The following CAV1 variants were observed in gnomAD, a reference collection of about 807,000 sequenced individuals.
CAV1 encodes caveolin 1, also known as caveolin-1.
A neutral mutation model predicts 16.5 loss-of-function variants in CAV1; 10 were observed. That is an observed-to-expected ratio of 0.61 (90% CI 0.37 to 1.03). The LOEUF (loss-of-function observed/expected upper bound fraction) is 1.03, where lower values mean the gene tolerates loss of function less well. CAV1 is among the 50% of genes least tolerant of loss of function. CAV1 has a pLI of 0.01. For synonymous variants in CAV1, 76 were observed against 85.1 expected, an observed-to-expected ratio of 0.89 and a Z score of 0.59; for missense variants, 212 against 232.8, an observed-to-expected ratio of 0.91 and a Z score of 0.58.
Position 116,534,382 on chromosome 7 carries a change from TATATATATATA to T in CAV1, c.195+7694_195+7704del, listed in dbSNP as rs1228665340. 7.1e-3 allele frequency among the ~76,000 whole-genome samples: 87 copies of T among 12,216 alleles called. 1 individual carries two copies. The highest frequency in any genetic ancestry group is 0.022 in the African/African-American group (79 of 3,514). The allele number at this position is 12,216 out of a possible 152,430, so 8.0% of individuals were successfully genotyped here. A position where few individuals can be genotyped will look rare whatever the true frequency, so the allele number is the denominator to read the frequency against. ...CCTCAGATATATATATATATATATA[TATATATATATA>T]TATTTTTTTTTTTTTTTTTTTTTTG... On this transcript the variant is annotated intron_variant, in intron 2 of 2. Coordinates refer to ENST00000341049, the MANE Select transcript of CAV1 (RefSeq NM_001753.5).
rs911068099 is a variant in CAV1 at position 116,537,568 on chromosome 7, G to A, written c.195+10879G>A. 5.3e-5 allele frequency among the ~76,000 whole-genome samples: 8 copies of A among 152,294 alleles called. No individual in the cohort carries two copies. The South Asian group carries it at 1.5e-3, about 28-fold the overall frequency. On this transcript the variant is annotated intron_variant, in intron 2 of 2. Transcript: ENST00000341049. Reference sequence around the variant, plus strand: ...GAGTCAGGGTTTGAACCCAGGTAGTGAAACTCCAAAGCCCGGATTCTTAAC... The same window carrying A: ...GAGTCAGGGTTTGAACCCAGGTAGTAAAACTCCAAAGCCCGGATTCTTAAC...
intron 2 of CAV1, among the ~76,000 whole-genome samples, chr7:116,539,771 A>G (rs944582597): frequency 6.6e-6 from 1 of 152,122 alleles, no homozygotes; most frequent in Non-Finnish European, 1.5e-5. Flanking sequence ...GGATAAGGCT[A>G]ATCTCCTAGG....
chr7:116,545,638 A>G (rs1794030148), intron 2 of CAV1, among the ~76,000 whole-genome samples: 1 of 152,246 alleles, frequency 6.6e-6, no homozygotes, highest in Non-Finnish European at 1.5e-5. Context: ...AGTAGGAAAC[A>G]ACCTCTACCG....
chr7:116,535,539 A>G (rs1793791667), intron 2 of CAV1, among the ~76,000 whole-genome samples: 1 of 152,242 alleles, frequency 6.6e-6, no homozygotes, highest in Admixed American at 6.5e-5. Flanking sequence ...CAGTTAGTCC[A>G]GGAAACATAA....
intron 1 of CAV1, chr7:116,526,308 G>A (rs1793557213): frequency 7.1e-7 from 1 of 1,402,566 alleles, no homozygotes; most frequent in Non-Finnish European, 9.3e-7. Context: ...ACAGAGGGGT[G>A]TGGTGTCCTC....
chr7:116,553,509 A>G (rs1794204476), intron 2 of CAV1, among the ~76,000 whole-genome samples: 1 of 152,084 alleles, frequency 6.6e-6, no homozygotes, highest in Non-Finnish European at 1.5e-5. Flanking sequence ...TCTGCATAAT[A>G]CTTCCCTCCA....
At chr7:116,533,348 T>TAAATAAAATA (rs763800018) in intron 2 of CAV1, among the ~76,000 whole-genome samples, 158 of 137,676 alleles carry the variant, frequency 1.1e-3, no homozygotes, top group Middle Eastern at 3.5e-3. Context: ...AAAAATAAAA[T>TAAATAAAATA]AAATAAAATA....
intron 2 of CAV1, among the ~76,000 whole-genome samples, chr7:116,529,470 G>A (rs1019283508): frequency 6.6e-6 from 1 of 152,192 alleles, no homozygotes; most frequent in Non-Finnish European, 1.5e-5. Context: ...TAGTGGCACA[G>A]ACATAGAACA....
At chr7:116,555,540 GAGAGAAAGAA>G (rs1299474612) in intron 2 of CAV1, among the ~76,000 whole-genome samples, 3 of 13,208 alleles carry the variant, frequency 2.3e-4, no homozygotes, top group Non-Finnish European at 3.1e-4. Flanking sequence ...GAGAGAGAGA[GAGAGAAAGAA>G]AGAAAGAAAG....
intron 2 of CAV1, among the ~76,000 whole-genome samples, chr7:116,537,226 C>G (rs1306713930): frequency 6.6e-6 from 1 of 151,974 alleles, no homozygotes; most frequent in African/African-American, 2.4e-5. Flanking sequence ...TTCTGTCTCA[C>G]AGTAATTTAA....
At chr7:116,534,814 G>C (rs1793774219) in intron 2 of CAV1, among the ~76,000 whole-genome samples, 1 of 152,124 alleles carries the variant, frequency 6.6e-6, no homozygotes, top group African/African-American at 2.4e-5. Flanking sequence ...AGAAATGACT[G>C]TACCCAAGGT....
intron 2 of CAV1, among the ~76,000 whole-genome samples, chr7:116,533,112 T>C (rs1392258336): frequency 1.3e-5 from 2 of 152,042 alleles, no homozygotes; most frequent in African/African-American, 4.8e-5. Context: ...GAGCTCAAGA[T>C]TGGTGGATCA....
At chr7:116,530,014 AATTT>A (rs749009762) in intron 2 of CAV1, among the ~76,000 whole-genome samples, 1 of 152,068 alleles carries the variant, frequency 6.6e-6, no homozygotes, top group Non-Finnish European at 1.5e-5. Flanking sequence ...GCCATCAATT[AATTT>A]ATTTATTAAA....
intron 2 of CAV1, among the ~76,000 whole-genome samples, chr7:116,546,525 A>G (rs1794049517): frequency 6.8e-6 from 1 of 146,574 alleles, no homozygotes. Flanking sequence ...TCCTGCCTCT[A>G]CTAAAAATAA....
chr7:116,525,872 G>A lies in CAV1; in HGVS notation c.31-653G>A, dbSNP rs114523248. The A allele has an allele frequency of 4.6e-3, 4,487 of 984,570 alleles. 140 individuals carry two copies. In the African/African-American group the frequency reaches 0.07, roughly 15 times the overall value. The allele number at this position is 984,570 out of a possible 1,614,324, so 61.0% of individuals were successfully genotyped here. ...GCTCCGCCAAAAATGGGGACTTTCGGGATTGTGATCATCACGGCGGATTGA... is the reference window on the plus strand; with the variant it reads ...GCTCCGCCAAAAATGGGGACTTTCGAGATTGTGATCATCACGGCGGATTGA... On this transcript the variant is annotated intron_variant, in intron 1 of 2. Transcript: ENST00000341049.
rs201767738 is a variant in CAV1, at chr7:116,525,107, G to C, written c.30+15G>C. ...TAGACTCGGAGGTAGGCATCCGTGG[G>C]GGGGCGCCGGCTCGGGCGTGCGGGG... On this transcript the variant is annotated intron_variant, in intron 1 of 2. Coordinates refer to ENST00000341049, the MANE Select transcript of CAV1 (RefSeq NM_001753.5). 1.3e-5 allele frequency: 21 copies of C among 1,614,112 alleles called. No homozygotes were observed. The highest frequency in any genetic ancestry group is 3.3e-5 in the South Asian group (3 of 91,092).
chr7:116,527,517 T>C (rs1283812925), intron 2 of CAV1, among the ~76,000 whole-genome samples: 2 of 152,240 alleles, frequency 1.3e-5, no homozygotes. Flanking sequence ...GACTTAGATC[T>C]GACTCAGTGG....
chr7:116,550,088 G>T (rs1464980729), intron 2 of CAV1, among the ~76,000 whole-genome samples: 1 of 152,148 alleles, frequency 6.6e-6, no homozygotes, highest in African/African-American at 2.4e-5. Context: ...CCTCTGTAAT[G>T]ACTGGGAAGC....
At chr7:116,535,369 A>C (rs1411972436) in intron 2 of CAV1, among the ~76,000 whole-genome samples, 1 of 152,124 alleles carries the variant, frequency 6.6e-6, no homozygotes, top group Non-Finnish European at 1.5e-5. Flanking sequence ...ATTAAACTGC[A>C]CCCTAACTTA....
Sources: gnomAD v4.1 joint callset for allele counts (sites outside exome capture counted in the v4.1 genomes callset) on GRCh38, gnomAD v4.1.1 for gene constraint, MANE v1.5 for transcripts, NCBI Gene and HGNC (gene_info 2026-07-23, HGNC 2026-07-21) for gene names.